The following NOC3L variants were observed in gnomAD, a reference collection of about 807,000 sequenced individuals.
NOC3L encodes the protein nucleolar complex protein 3 homolog.
NOC3L carries 85 observed loss-of-function variants against 102.5 expected under a neutral mutation model. That is an observed-to-expected ratio of 0.83 (90% confidence interval 0.70 to 0.99). The LOEUF (loss-of-function observed/expected upper bound fraction) is 0.99, where lower values mean the gene tolerates loss of function less well. NOC3L is among the 50% of genes least tolerant of loss of function. The pLI is 0.00. For synonymous variants in NOC3L, 303 were observed against 309.4 expected (o/e 0.98, Z 0.22); for missense variants, 878 against 914.9 (o/e 0.96, Z 0.52).
rs531042277 is a variant in NOC3L at position 94,340,521 on chromosome 10, A to AG, written c.1645-26dup. 6.0e-3 allele frequency: 5,274 copies of AG among 884,350 alleles called. 45 individuals are homozygous for AG. Among genetic ancestry groups the AG allele is most frequent in the Non-Finnish European group, 6.8e-3 (3,904 of 578,086 alleles). 54.8% of individuals were successfully genotyped at this position (884,350 alleles called of 1,614,324 possible). On this transcript the variant is annotated intron_variant, in intron 14 of 20. Transcript: ENST00000371361. Reference sequence around the variant, plus strand: ...CCTTTAAAAAAAAAAGGGGGGGGTGAGGGGGATGGAATATTAAGAATGGTA... The same window carrying AG: ...CCTTTAAAAAAAAAAGGGGGGGGTGAGGGGGGATGGAATATTAAGAATGGTA...
chr10:94,346,632 T>A lies in NOC3L; in HGVS notation c.1258-76A>T, dbSNP rs541739137. On this transcript the variant is annotated intron_variant, in intron 10 of 20. Transcript: ENST00000371361. The stretch of plus-strand genomic sequence containing the variant: ...TCAAAAACTTTACATAGAAAAGCAT[T>A]TAACAGTGTTATTTCCCTCGTTCAT... 13 of 819,856 alleles carry A rather than the reference T, an allele frequency of 1.6e-5. No individual in the cohort carries two copies. The South Asian group carries it at 3.5e-4, about 22-fold the overall frequency. The allele number at this position is 819,856 out of a possible 1,614,324, so 50.8% of individuals were successfully genotyped here.
chr10:94,337,776 C>T lies in NOC3L; in HGVS notation c.2189+1G>A, dbSNP rs772509191. ...TAGAATAAGGCAATGCTAAATATTACCTTCGACTCAACTCTGGTTTGAGTG... is the reference window on the plus strand; with the variant it reads ...TAGAATAAGGCAATGCTAAATATTATCTTCGACTCAACTCTGGTTTGAGTG... On this transcript the variant is annotated splice_donor_variant, in intron 19 of 20. Coordinates refer to ENST00000371361, the MANE Select transcript of NOC3L (RefSeq NM_022451.11). LOFTEE classifies it high-confidence loss of function. The T allele has an allele frequency of 5.6e-6, 9 of 1,605,894 alleles. No individual in the cohort carries two copies. In the African/African-American group the frequency reaches 9.4e-5, roughly 17 times the overall value.
chr10:94,328,833 T>C (rs1401097387), downstream of NOC3L: 1 of 152,206 alleles, frequency 6.6e-6, no homozygotes, highest in Admixed American at 6.5e-5. Context: ...AAAAAGGTTA[T>C]TGCTTAATCA....
chr10:94,334,681 C>T lies in NOC3L; in HGVS notation c.2227G>A (p.Glu743Lys). The T allele has an allele frequency of 1.9e-6, 3 of 1,613,230 alleles. No homozygotes were observed. Among genetic ancestry groups the T allele is most frequent in the Non-Finnish European group, 2.5e-6 (3 of 1,179,752 alleles). Residue 743 changes from glutamate to lysine, a missense_variant, in exon 20 of 21, where the codon GAA becomes AAA. Coordinates refer to ENST00000371361, the MANE Select transcript of NOC3L (RefSeq NM_022451.11). The part of the protein sequence containing the change: ...TELFEAYSMA[E>K]MTFNPPVESS... The stretch of plus-strand genomic sequence containing the variant: ...TCAACAGGAGGATTGAATGTCATTT[C>T]TGCCATGCTATATGCCTCAAAAAGT...
At position 94,360,962 on chromosome 10, in the gene NOC3L, T is replaced by C. The variant is rs1589580045; in HGVS notation, c.217+703A>G. On this transcript the variant is annotated intron_variant, in intron 2 of 20. Coordinates refer to ENST00000371361, the MANE Select transcript of NOC3L (RefSeq NM_022451.11). ...AGGAGGTCAAGGCTGTAGTGGGCTA[T>C]TTTTGCACACTGCACTCCAGCCTGG... is the stretch of plus-strand genomic sequence containing the variant. Among the ~76,000 whole-genome samples, 12 of 152,084 alleles carry C rather than the reference T, an allele frequency of 7.9e-5. 3 individuals are homozygous for C. The highest frequency in any genetic ancestry group is 7.9e-4 in the Admixed American group (12 of 15,282).
At chr10:94,361,592 C>A in intron 2 of NOC3L, 73 bp downstream of exon 2, 1 of 1,468,070 alleles carries the variant, frequency 6.8e-7, no homozygotes, top group Admixed American at 1.8e-5. Flanking sequence ...TACTAGAAAG[C>A]AAAGTTATTT....
At chr10:94,357,981 T>C in intron 3 of NOC3L, 102 bp downstream of exon 3, 1 of 735,212 alleles carries the variant, frequency 1.4e-6, no homozygotes, top group East Asian at 2.5e-5. Flanking sequence ...TTTGTAAACA[T>C]TGTGCTCAAA....
intron 17 of NOC3L, among the ~76,000 whole-genome samples, chr10:94,339,344 C>T (rs1377900397): frequency 3.7e-5 from 5 of 136,500 alleles, no homozygotes; most frequent in Non-Finnish European, 8.0e-5. Context: ...TTAAATAAAC[C>T]TTACATAAAG....
At chr10:94,324,221 G>A in the NOC3L span, 1 of 791,930 alleles carries the variant, frequency 1.3e-6, no homozygotes, top group Non-Finnish European at 2.2e-6. Context: ...TGAGTTGGAT[G>A]AAATGATCTG....
chr10:94,324,960 T>G, the NOC3L span: 1 of 1,614,156 alleles, frequency 6.2e-7, no homozygotes, highest in Middle Eastern at 1.6e-4. Flanking sequence ...CCAAGTCAAC[T>G]AAACAGCCCC....
At chr10:94,334,411 C>G in intron 20 of NOC3L, 106 bp from the exon 21 acceptor site, 1 of 716,074 alleles carries the variant, frequency 1.4e-6, no homozygotes, top group South Asian at 1.8e-5. Flanking sequence ...ACACATGCAA[C>G]ACAATGACAG....
intron 8 of NOC3L, 32 bp downstream of exon 8, chr10:94,352,278 T>C (rs1738691804): frequency 7.2e-7 from 1 of 1,387,614 alleles, no homozygotes. Context: ...AGGCTAAGTA[T>C]GTTACAAACT....
At chr10:94,325,689 G>C in the NOC3L span, 3 of 151,644 alleles carry the variant, frequency 2.0e-5, no homozygotes, top group African/African-American at 4.9e-5. Flanking sequence ...AATAAGCAAA[G>C]CTCCCAAGAA....
At chr10:94,345,350 T>A (rs2133994165) in intron 11 of NOC3L, among the ~76,000 whole-genome samples, 1 of 151,786 alleles carries the variant, frequency 6.6e-6, no homozygotes, top group South Asian at 2.1e-4. Context: ...TAGGATTAAA[T>A]CATCTATAAC....
the NOC3L span, among the ~76,000 whole-genome samples, chr10:94,317,460 C>G: frequency 2.6e-5 from 4 of 152,146 alleles, no homozygotes; most frequent in South Asian, 2.1e-4. Flanking sequence ...CAGGTATTTT[C>G]TATTCTGGGG....
intron 19 of NOC3L, among the ~76,000 whole-genome samples, chr10:94,336,137 A>G (rs2054214813): frequency 6.6e-6 from 1 of 152,276 alleles, no homozygotes; most frequent in South Asian, 2.1e-4. Flanking sequence ...TAAATGGGTT[A>G]AAGTCTTTAT....
chr10:94,319,448 T>C, the NOC3L span, among the ~76,000 whole-genome samples: 2 of 152,186 alleles, frequency 1.3e-5, no homozygotes, highest in Non-Finnish European at 2.9e-5. Flanking sequence ...AGTTTGCCCA[T>C]ATATGAAAAT....
At chr10:94,316,621 T>G in the NOC3L span, 1 of 1,608,172 alleles carries the variant, frequency 6.2e-7, no homozygotes, top group South Asian at 1.1e-5. Context: ...ATTTTATATC[T>G]AAAGAAAAGA....
the NOC3L span, among the ~76,000 whole-genome samples, chr10:94,320,004 C>T: frequency 6.6e-6 from 1 of 151,420 alleles, no homozygotes; most frequent in African/African-American, 2.4e-5. Flanking sequence ...TAAGGGTGCT[C>T]TCTTAAAAAT....
Sources: allele counts gnomAD v4.1 joint callset (sites outside exome capture counted in the v4.1 genomes callset), GRCh38; gene constraint gnomAD v4.1.1; transcripts MANE v1.5; gene names NCBI Gene and HGNC (gene_info 2026-07-23, HGNC 2026-07-21).